DRD3: variants seen among roughly 807,000 people sequenced by gnomAD.
DRD3 encodes D(3) dopamine receptor.
In DRD3, 19 loss-of-function variants were observed where a neutral mutation model predicts 36.3. The observed-to-expected ratio is 0.52, with a 90% CI of 0.36 to 0.77. The LOEUF (loss-of-function observed/expected upper bound fraction) is 0.77. Among genes scored for constraint, DRD3 ranks in the 30% least tolerant of loss-of-function variants. The probability of loss-of-function intolerance (pLI) is 0.00; values close to 1 mark genes in which losing one functional copy is unlikely to be tolerated. For missense variants in DRD3, 465 were observed against 505.3 expected, an observed-to-expected ratio of 0.92 and a Z score of 0.77; for synonymous variants, 195 against 203.7, an observed-to-expected ratio of 0.96 and a Z score of 0.36.
intron 3 of DRD3, among the ~76,000 whole-genome samples, chr3:114,153,301 T>C (rs900305102): frequency 2.6e-5 from 4 of 151,866 alleles, no homozygotes; most frequent in African/African-American, 9.7e-5. Flanking sequence ...CAGTGATTAA[T>C]ACTAAACATT....
At chr3:114,146,075 T>A (rs959559929) in intron 4 of DRD3, among the ~76,000 whole-genome samples, 1 of 152,210 alleles carries the variant, frequency 6.6e-6, no homozygotes, top group Non-Finnish European at 1.5e-5. Flanking sequence ...TTTTACTTAC[T>A]CCAGAGCCTA....
intron 2 of DRD3, among the ~76,000 whole-genome samples, chr3:114,160,891 C>T (rs755218850): frequency 6.6e-6 from 1 of 152,054 alleles, no homozygotes; most frequent in African/African-American, 2.4e-5. Flanking sequence ...ATGCATCTAT[C>T]TATACATGTA....
chr3:114,171,284 A>ATT (rs113588519), intron 2 of DRD3, among the ~76,000 whole-genome samples: 2 of 150,016 alleles, frequency 1.3e-5, no homozygotes, highest in African/African-American at 4.9e-5. Context: ...ACATTCACTA[A>ATT]TTTTTTTTTT....
At chr3:114,131,787 T>C (rs2077433676) in intron 5 of DRD3, among the ~76,000 whole-genome samples, 1 of 152,246 alleles carries the variant, frequency 6.6e-6, no homozygotes, top group South Asian at 2.1e-4. Context: ...AAGACATTTA[T>C]GCAGCCAACA....
chr3:114,171,884 A>C lies in DRD3; in HGVS notation c.109T>G (p.Cys37Gly), dbSNP rs2077847467. The stretch of plus-strand genomic sequence containing the variant: ...AAGACGATGGCCAGGATGAGCGCGC[A>C]GTAGGAGAGGGCATAGTAGGCATGT... Reference protein sequence around the residue: ...RPHAYYALSYCALILAIVFGN... With the variant: ...RPHAYYALSYGALILAIVFGN... The change falls in exon 2 of 7, where the codon TGC (cysteine) becomes GGC (glycine). Residue 37 changes from cysteine (C) to glycine (G), a missense_variant. Transcript: ENST00000383673. 6.2e-7 allele frequency: 1 copy of C among 1,613,066 alleles called. No individual in the cohort carries two copies. The highest frequency in any genetic ancestry group is 1.7e-5 in the Admixed American group (1 of 59,908).
intron 1 of DRD3, among the ~76,000 whole-genome samples, chr3:114,186,570 A>C (rs889360116): frequency 2.6e-5 from 4 of 152,192 alleles, no homozygotes; most frequent in Non-Finnish European, 4.4e-5. Context: ...GTTCCCCTCT[A>C]TTTGGAGGAC....
At chr3:114,187,691 G>A (rs1022098065) in intron 1 of DRD3, among the ~76,000 whole-genome samples, 2 of 152,104 alleles carry the variant, frequency 1.3e-5, no homozygotes, top group African/African-American at 4.8e-5. Context: ...GAACTCTTGG[G>A]AGTTCAAAAA....
intron 3 of DRD3, among the ~76,000 whole-genome samples, chr3:114,154,021 C>T (rs1318664547): frequency 6.6e-6 from 1 of 152,160 alleles, no homozygotes; most frequent in East Asian, 1.9e-4. Flanking sequence ...ATAGGTGCCC[C>T]ATCCTCACCT....
intron 3 of DRD3, among the ~76,000 whole-genome samples, chr3:114,149,158 T>A (rs965133106): frequency 6.6e-6 from 1 of 151,830 alleles, no homozygotes; most frequent in Non-Finnish European, 1.5e-5. Context: ...GAATGAACAA[T>A]AAAAAAGGAA....
chr3:114,175,964 A>T (rs2107891300), intron 1 of DRD3: 1 of 152,306 alleles, frequency 6.6e-6, no homozygotes, highest in Middle Eastern at 3.4e-3. Flanking sequence ...CAAAGTATTG[A>T]TTTATCTTGG....
At position 114,187,974 on chromosome 3, in the gene DRD3, C is replaced by G. The variant is rs138001680; in HGVS notation, c.-155-9198G>C. The stretch of plus-strand genomic sequence containing the variant: ...CTAGATAATTCAACACAATCATGCT[C>G]CTTGTGCCCTAGGAAGAGAAAAAGA... On this transcript the variant is annotated intron_variant, in intron 1 of 7. Coordinates refer to the DRD3 transcript ENST00000460779. 1.9e-3 allele frequency among the ~76,000 whole-genome samples: 293 copies of G among 152,186 alleles called. 1 individual carries two copies. Among genetic ancestry groups the G allele is most frequent in the African/African-American group, 6.7e-3 (278 of 41,524 alleles).
At chr3:114,181,082 T>C (rs965439549), upstream of DRD3, among the ~76,000 whole-genome samples, 2 of 152,228 alleles carry the variant, frequency 1.3e-5, no homozygotes, top group Admixed American at 1.3e-4. Context: ...TTTCTAACTT[T>C]CTGTGTTGAG....
At chr3:114,153,727 G>C (rs1275821239) in intron 3 of DRD3, among the ~76,000 whole-genome samples, 2 of 152,200 alleles carry the variant, frequency 1.3e-5, no homozygotes, top group Non-Finnish European at 2.9e-5. Context: ...GTAAGGGAGT[G>C]TGCTGTAATA....
chr3:114,129,346 AAAAACAAAAC>A (rs1369858955), intron 6 of DRD3, among the ~76,000 whole-genome samples: 10 of 152,042 alleles, frequency 6.6e-5, no homozygotes, highest in African/African-American at 2.4e-4. Flanking sequence ...CCATCTCAAA[AAAAACAAAAC>A]AAAACAAAAA....
chr3:114,150,757 A>C (rs2077609756), intron 3 of DRD3, among the ~76,000 whole-genome samples: 1 of 152,230 alleles, frequency 6.6e-6, no homozygotes. Context: ...AAGGAAGGAC[A>C]GATGCTGGGC....
chr3:114,194,559 A>C (rs1481638414), intron 1 of DRD3, among the ~76,000 whole-genome samples: 1 of 152,178 alleles, frequency 6.6e-6, no homozygotes, highest in Non-Finnish European at 1.5e-5. Context: ...TAGGATTACA[A>C]GTGTGAGCCA....
At chr3:114,184,290 A>G (rs1307188439) in intron 1 of DRD3, among the ~76,000 whole-genome samples, 3 of 152,190 alleles carry the variant, frequency 2.0e-5, no homozygotes, top group African/African-American at 7.2e-5. Context: ...TCATAAAATT[A>G]TACCTTTATA....
chr3:114,145,634 G>A (rs2077563732), intron 4 of DRD3, among the ~76,000 whole-genome samples: 1 of 152,198 alleles, frequency 6.6e-6, no homozygotes, highest in Non-Finnish European at 1.5e-5. Context: ...CTCTGAAGAA[G>A]TTGGAGTGGA....
intron 2 of DRD3, among the ~76,000 whole-genome samples, chr3:114,169,860 A>G (rs1331879652): frequency 1.3e-5 from 2 of 152,212 alleles, no homozygotes; most frequent in African/African-American, 4.8e-5. Context: ...AGAGTCCTAG[A>G]AATAATCACA....
Sources: allele counts gnomAD v4.1 joint callset (sites outside exome capture counted in the v4.1 genomes callset), GRCh38; gene constraint gnomAD v4.1.1; transcripts MANE v1.5; gene names NCBI Gene and HGNC (gene_info 2026-07-23, HGNC 2026-07-21).